The following TULP4 variants were observed in gnomAD, a reference collection of about 807,000 sequenced individuals.
TULP4 encodes tubby-related protein 4.
In TULP4, 16 loss-of-function variants were observed where a neutral mutation model predicts 129.0. The observed-to-expected ratio is 0.12, with a 90% confidence interval of 0.08 to 0.19. The LOEUF (loss-of-function observed/expected upper bound fraction) is 0.19. Ranked by LOEUF, TULP4 falls within the 10% of genes least tolerant of loss-of-function variation. The pLI is 1.00. For synonymous variants in TULP4, 998 were observed against 854.0 expected (o/e 1.17, Z -2.94); for missense variants, 1,842 against 2,059.1 (o/e 0.89, Z 2.04).
chr6:158,453,682 G>A (rs1402483237), intron 5 of TULP4, among the ~76,000 whole-genome samples: 41 of 151,420 alleles, frequency 2.7e-4, no homozygotes, highest in Admixed American at 1.6e-3. Context: ...CCAGCTACTC[G>A]GGAGGCTGAG....
At position 158,329,160 on chromosome 6, in the gene TULP4, C is replaced by G. The variant is rs566224351; in HGVS notation, c.252+14892C>G. Among the ~76,000 whole-genome samples, 94 of 152,274 alleles carry G rather than the reference C, an allele frequency of 6.2e-4. 1 individual carries two copies. Among genetic ancestry groups the G allele is most frequent in the African/African-American group, 2.2e-3 (90 of 41,556 alleles). On this transcript the variant is annotated intron_variant, in intron 1 of 13. Coordinates refer to ENST00000367097, the MANE Select transcript of TULP4 (RefSeq NM_020245.5). ...TGTTTTTATTGTACCTTCTGGCAAC[C>G]TACATTTGGTTTCTCTTCCTCATTG...
chr6:158,269,238 C>T (rs1174151250), intron 1 of TULP4, among the ~76,000 whole-genome samples: 2 of 152,022 alleles, frequency 1.3e-5, no homozygotes, highest in African/African-American at 4.8e-5. Context: ...GTGGAAATTA[C>T]TGTTGTTAAT....
chr6:158,470,399 C>T (rs1008078976), intron 6 of TULP4, among the ~76,000 whole-genome samples: 23 of 152,258 alleles, frequency 1.5e-4, no homozygotes, highest in Non-Finnish European at 2.8e-4. Context: ...TTGCCGTTGC[C>T]GGCTTGAATG....
chr6:158,350,734 A>T (rs1183703128), intron 1 of TULP4, among the ~76,000 whole-genome samples: 1 of 149,232 alleles, frequency 6.7e-6, no homozygotes. Flanking sequence ...AGAAAGGAAG[A>T]GGGGAGAGGG....
Position 158,500,470 on chromosome 6 carries a change from A to G in TULP4, c.2015-1208A>G, listed in dbSNP as rs542414960. Among the ~76,000 whole-genome samples, 90 of 152,142 alleles carry G rather than the reference A, an allele frequency of 5.9e-4. 1 individual carries two copies. Among genetic ancestry groups the G allele is most frequent in the Non-Finnish European group, 1.1e-3 (77 of 68,024 alleles). ...TTGATGAGAAGTCAGCCAGTGTCAC[A>G]TTTCCTAATCATGGACTAGCTGCCA... On this transcript the variant is annotated intron_variant, in intron 12 of 13. Transcript: ENST00000367097.
At position 158,355,175 on chromosome 6, in the gene TULP4, A is replaced by T. The variant is rs531166553; in HGVS notation, c.252+40907A>T. On this transcript the variant is annotated intron_variant, in intron 1 of 13. Coordinates refer to ENST00000367097, the MANE Select transcript of TULP4 (RefSeq NM_020245.5). ...TAACCTAGAACTCCTGGGCCCAAGC[A>T]ATCATCCCGCCTCAGCTTCCTGAGT... is the stretch of plus-strand genomic sequence containing the variant. Among the ~76,000 whole-genome samples the T allele has an allele frequency of 9.9e-5, 15 of 152,066 alleles. 1 individual carries two copies. Among genetic ancestry groups the T allele is most frequent in the Admixed American group, 3.9e-4 (6 of 15,276 alleles).
In TULP4 at chr6:158,313,182, A is replaced by G. The variant is rs982043437; in HGVS notation, c.-835A>G. 1 of 282,280 alleles carries G rather than the reference A, an allele frequency of 3.5e-6. No homozygotes were observed. The highest frequency in any genetic ancestry group is 5.2e-5 in the Admixed American group (1 of 19,244). 17.5% of individuals were successfully genotyped at this position (282,280 alleles called of 1,614,324 possible). A position where few individuals can be genotyped will look rare whatever the true frequency, so the allele number is the denominator to read the frequency against. On this transcript the variant is annotated 5_prime_UTR_variant, in exon 1 of 14. Transcript: ENST00000367097. ...GAGCGCTGGAACATTCTGCCTCTTG[A>G]GTGAAGGGGCCTTCTTTCTAGCCTC... is the stretch of plus-strand genomic sequence containing the variant.
At chr6:158,469,310 G>A (rs1779620530) in intron 6 of TULP4, among the ~76,000 whole-genome samples, 1 of 150,210 alleles carries the variant, frequency 6.7e-6, no homozygotes, top group South Asian at 2.1e-4. Context: ...ATCTCACTCT[G>A]TCATTCAGGC....
intron 1 of TULP4, among the ~76,000 whole-genome samples, chr6:158,382,860 G>A (rs1777359786): frequency 6.6e-6 from 1 of 152,194 alleles, no homozygotes. Context: ...TGTCATTACA[G>A]CAAGGGTTGA....
intron 1 of TULP4, among the ~76,000 whole-genome samples, chr6:158,257,379 A>G (rs1156998831): frequency 6.6e-6 from 1 of 152,194 alleles, no homozygotes. Context: ...GTCTGTCTCA[A>G]ACTCTTATGA....
chr6:158,434,759 C>T (rs1219907948), intron 3 of TULP4, among the ~76,000 whole-genome samples: 2 of 152,200 alleles, frequency 1.3e-5, no homozygotes, highest in African/African-American at 2.4e-5. Context: ...TGCCACCCAG[C>T]ATTTCCATGC....
intron 1 of TULP4, among the ~76,000 whole-genome samples, chr6:158,317,288 G>T (rs1371124374): frequency 2.6e-5 from 4 of 151,986 alleles, no homozygotes; most frequent in African/African-American, 4.8e-5. Context: ...TTTACATTAG[G>T]TATTTCTTCT....
chr6:158,399,703 A>G (rs1562550590), intron 1 of TULP4, among the ~76,000 whole-genome samples: 2 of 152,264 alleles, frequency 1.3e-5, no homozygotes, highest in East Asian at 3.9e-4. Flanking sequence ...TGTGCCAGAC[A>G]GTTTTTGTTT....
At chr6:158,307,331 T>A (rs1188397740) in intron 1 of TULP4, among the ~76,000 whole-genome samples, 1 of 152,228 alleles carries the variant, frequency 6.6e-6, no homozygotes. Flanking sequence ...AGTCTTCAGA[T>A]AATCATGGAT....
intron 5 of TULP4, among the ~76,000 whole-genome samples, chr6:158,454,515 G>A (rs13204518): frequency 5.5e-5 from 3 of 54,164 alleles, no homozygotes; most frequent in Non-Finnish European, 6.6e-5. Flanking sequence ...TATTCTTTAC[G>A]GGGGAATTTT....
intron 1 of TULP4, among the ~76,000 whole-genome samples, chr6:158,410,293 CTT>C (rs529302464): frequency 6.6e-6 from 1 of 152,172 alleles, no homozygotes; most frequent in Non-Finnish European, 1.5e-5. Flanking sequence ...TGCCTCCACT[CTT>C]TTGTGTTTGT....
chr6:158,497,912 T>C (rs1780367400), intron 11 of TULP4, among the ~76,000 whole-genome samples: 1 of 152,240 alleles, frequency 6.6e-6, no homozygotes, highest in Non-Finnish European at 1.5e-5. Flanking sequence ...GAGAGACTAT[T>C]GAACACAAAA....
At chr6:158,478,466 C>T (rs1263802696) in intron 6 of TULP4, among the ~76,000 whole-genome samples, 1 of 152,212 alleles carries the variant, frequency 6.6e-6, no homozygotes, top group Admixed American at 6.5e-5. Context: ...CTGTCTTCAG[C>T]AGTGATTATG....
At chr6:158,454,559 T>C (rs1779249249) in intron 5 of TULP4, among the ~76,000 whole-genome samples, 1 of 152,132 alleles carries the variant, frequency 6.6e-6, no homozygotes, top group Admixed American at 6.5e-5. Flanking sequence ...ATGGAAACTT[T>C]ATTTTTTATG....
Sources: gnomAD v4.1 joint callset for allele counts (sites outside exome capture counted in the v4.1 genomes callset) on GRCh38, gnomAD v4.1.1 for gene constraint, MANE v1.5 for transcripts, NCBI Gene and HGNC (gene_info 2026-07-23, HGNC 2026-07-21) for gene names.